The following VPS13B variants were observed in gnomAD, a reference collection of about 807,000 sequenced individuals.
The protein encoded by VPS13B is vacuolar protein sorting 13 homolog B, also known as intermembrane lipid transfer protein VPS13B.
In VPS13B, 285 loss-of-function variants were observed where a neutral mutation model predicts 426.4. The observed-to-expected ratio is 0.67, with a 90% CI of 0.61 to 0.74. The LOEUF (loss-of-function observed/expected upper bound fraction) is 0.74, where lower values mean the gene tolerates loss of function less well. Ranked by LOEUF, VPS13B falls within the 30% of genes least tolerant of loss-of-function variation. VPS13B has a pLI of 0.00. For missense variants in VPS13B, 4,537 were observed against 4,782.6 expected, an observed-to-expected ratio of 0.95 and a Z score of 1.51; for synonymous variants, 1,676 against 1,676.4, an observed-to-expected ratio of 1.00 and a Z score of 0.01.
chr8:99,305,709 A>T (rs1316390977), intron 19 of VPS13B, among the ~76,000 whole-genome samples: 1 of 152,102 alleles, frequency 6.6e-6, no homozygotes, highest in African/African-American at 2.4e-5. Flanking sequence ...AAAGATTTTG[A>T]ACTAAAAATC....
intron 30 of VPS13B, among the ~76,000 whole-genome samples, chr8:99,526,858 A>G (rs533582905): frequency 1.3e-5 from 2 of 152,156 alleles, no homozygotes; most frequent in East Asian, 3.9e-4. Flanking sequence ...TAAAATGTGG[A>G]TTTTGACTTA....
chr8:99,826,979 T>A (rs1158170175), intron 51 of VPS13B, among the ~76,000 whole-genome samples: 1 of 152,164 alleles, frequency 6.6e-6, no homozygotes, highest in Non-Finnish European at 1.5e-5. Context: ...TGCCAGTATT[T>A]TATTGAGCAT....
At chr8:99,026,008 G>T (rs1044823992) in intron 2 of VPS13B, among the ~76,000 whole-genome samples, 1 of 151,692 alleles carries the variant, frequency 6.6e-6, no homozygotes, top group Non-Finnish European at 1.5e-5. Context: ...CATTTATTTT[G>T]TTCTGATCCT....
chr8:99,575,843 T>C (rs2133808787), intron 32 of VPS13B, 59 bp downstream of exon 32: 1 of 1,552,828 alleles, frequency 6.4e-7, no homozygotes, highest in Non-Finnish European at 8.8e-7. Context: ...CCTCTTTGTA[T>C]GTTAGGGATT....
chr8:99,069,935 C>T (rs1844768830), intron 3 of VPS13B, among the ~76,000 whole-genome samples: 2 of 152,122 alleles, frequency 1.3e-5, no homozygotes, highest in Admixed American at 6.5e-5. Context: ...CAAGATCTTG[C>T]TCTGTCCACT....
chr8:99,499,781 G>A (rs966485519), intron 25 of VPS13B, among the ~76,000 whole-genome samples: 1 of 152,124 alleles, frequency 6.6e-6, no homozygotes, highest in Non-Finnish European at 1.5e-5. Flanking sequence ...TAACTATACT[G>A]TCTTCAGGTT....
intron 15 of VPS13B, among the ~76,000 whole-genome samples, chr8:99,163,925 G>A (rs982385779): frequency 6.6e-6 from 1 of 152,228 alleles, no homozygotes; most frequent in African/African-American, 2.4e-5. Context: ...GAGAGCAAGC[G>A]AGGGCTCTGA....
intron 54 of VPS13B, among the ~76,000 whole-genome samples, chr8:99,841,666 T>TAG (rs1321674649): frequency 6.6e-6 from 1 of 152,196 alleles, no homozygotes; most frequent in African/African-American, 2.4e-5. Flanking sequence ...ACCTTCTGCC[T>TAG]ACTGCTTCTC....
rs2130857844 is a variant in VPS13B, at chr8:99,832,386, C to T, written c.9348C>T (p.Asp3116=). ...TTTTTTAGTATTTTCGTGTTCCAGACAGTGCTACTTTTAGCATTTGCCCAG... is the reference window on the plus strand; with the variant it reads ...TTTTTTAGTATTTTCGTGTTCCAGATAGTGCTACTTTTAGCATTTGCCCAG... The part of the protein sequence containing the change: ...HSGKEYFRVP[D]SATFSICPGG... The change falls in exon 52 of 62, where the codon GAC becomes GAT. Residue 3116 remains aspartate (D), a synonymous_variant. Transcript: ENST00000357162. The T allele has an allele frequency of 1.9e-6, 2 of 1,037,704 alleles. No individual in the cohort carries two copies. The highest frequency in any genetic ancestry group is 4.5e-5 in the African/African-American group (2 of 44,914). The allele number at this position is 1,037,704 out of a possible 1,614,324, so 64.3% of individuals were successfully genotyped here.
In VPS13B at chr8:99,627,328, A is replaced by C. The variant is rs147875690; in HGVS notation, c.5221-14483A>C. 3.9e-3 allele frequency among the ~76,000 whole-genome samples: 595 copies of C among 151,834 alleles called. 7 individuals carry two copies. Among genetic ancestry groups the C allele is most frequent in the African/African-American group, 0.013 (530 of 41,276 alleles). On this transcript the variant is annotated intron_variant, in intron 33 of 61. Transcript: ENST00000357162. ...GGGCAACAGAGCCAGACCCTGTCTC[A>C]AAAAAAAGATAAATAAGCAAGATGA...
chr8:99,460,422 G>C (rs1436980192), intron 23 of VPS13B, among the ~76,000 whole-genome samples: 1 of 151,942 alleles, frequency 6.6e-6, no homozygotes, highest in East Asian at 1.9e-4. Context: ...ATAACCCAAT[G>C]TTACAGTTAC....
At chr8:99,388,984 A>G (rs1167387807) in intron 20 of VPS13B, among the ~76,000 whole-genome samples, 1 of 152,084 alleles carries the variant, frequency 6.6e-6, no homozygotes, top group Non-Finnish European at 1.5e-5. Context: ...CCCTATCTCT[A>G]ATAAAAATAC....
In VPS13B at chr8:99,815,291, C is replaced by T. The variant is rs138727150; in HGVS notation, c.8098-2249C>T. The stretch of plus-strand genomic sequence containing the variant: ...TACAAAGGCCAGAGAACCAGGAGAG[C>T]GAATAGTGTAAGTTCCAGTCCAAAG... On this transcript the variant is annotated intron_variant, in intron 44 of 61. Transcript: ENST00000357162. Among the ~76,000 whole-genome samples the T allele has an allele frequency of 4.7e-4, 71 of 152,054 alleles. No individual in the cohort carries two copies. In the East Asian group the frequency reaches 0.011, roughly 24 times the overall value.
chr8:99,578,636 G>A (rs796953009), intron 33 of VPS13B, among the ~76,000 whole-genome samples: 5 of 152,022 alleles, frequency 3.3e-5, no homozygotes, highest in African/African-American at 1.2e-4. Flanking sequence ...ATACATTAGG[G>A]AATCCATAAA....
intron 19 of VPS13B, among the ~76,000 whole-genome samples, chr8:99,298,244 T>C (rs1820151367): frequency 6.6e-6 from 1 of 152,206 alleles, no homozygotes; most frequent in Non-Finnish European, 1.5e-5. Flanking sequence ...ATCCCAGCAC[T>C]TTGCGAGGCC....
intron 29 of VPS13B, among the ~76,000 whole-genome samples, chr8:99,512,969 A>T (rs925307679): frequency 4.6e-5 from 7 of 151,182 alleles, no homozygotes; most frequent in Non-Finnish European, 8.8e-5. Flanking sequence ...AGATAGTGCC[A>T]TTGCACTCCA....
At chr8:99,496,693 G>A (rs1483580333) in intron 25 of VPS13B, among the ~76,000 whole-genome samples, 2 of 151,776 alleles carry the variant, frequency 1.3e-5, no homozygotes, top group African/African-American at 4.8e-5. Flanking sequence ...TCCTCTTCAT[G>A]ACAAGTAAAC....
intron 19 of VPS13B, among the ~76,000 whole-genome samples, chr8:99,294,827 T>G (rs1819942599): frequency 1.3e-5 from 2 of 152,202 alleles, no homozygotes; most frequent in Admixed American, 1.3e-4. Context: ...TGTTGCAAAC[T>G]AAGTTAATTT....
At chr8:99,258,903 A>AGTAAAG (rs1817902309) in intron 17 of VPS13B, among the ~76,000 whole-genome samples, 1 of 152,072 alleles carries the variant, frequency 6.6e-6, no homozygotes, top group Non-Finnish European at 1.5e-5. Context: ...TTTTTACTAG[A>AGTAAAG]GTAAAGGTCT....
Sources: allele counts gnomAD v4.1 joint callset (sites outside exome capture counted in the v4.1 genomes callset), GRCh38; gene constraint gnomAD v4.1.1; transcripts MANE v1.5; gene names NCBI Gene and HGNC (gene_info 2026-07-23, HGNC 2026-07-21).